The following TRA2B variants were observed in gnomAD, a reference collection of about 807,000 sequenced individuals.
TRA2B encodes the protein transformer 2 beta homolog, also known as transformer-2 protein homolog beta.
Under a neutral mutation model 41.7 loss-of-function variants are expected in TRA2B, and 14 were observed. The observed-to-expected ratio is 0.34, with a 90% CI of 0.22 to 0.53. The LOEUF is 0.53. TRA2B is among the 20% of genes least tolerant of loss of function. The pLI, the probability that TRA2B is intolerant of heterozygous loss-of-function variation, is 0.95. For synonymous variants in TRA2B, 130 were observed against 128.8 expected (o/e 1.01, Z -0.06); for missense variants, 167 against 396.8 (o/e 0.42, Z 4.92).
At chr3:185,935,699 A>T (rs1191490294) in intron 1 of TRA2B, 1 of 985,346 alleles carries the variant, frequency 1.0e-6, no homozygotes, top group Non-Finnish European at 1.2e-6. Context: ...CATGTCTAAG[A>T]TCAAGCTGTT....
At position 185,921,820 on chromosome 3, in the gene TRA2B, T is replaced by C. The variant is rs1743749868; in HGVS notation, c.638+191A>G. On this transcript the variant is annotated intron_variant, in intron 5 of 8. Coordinates refer to ENST00000453386, the MANE Select transcript of TRA2B (RefSeq NM_004593.3). ...CAAACAAAAAATTTAAAAATGGACTTGACTAAGATTTAGTTTTACCTGTAA... is the reference window on the plus strand; with the variant it reads ...CAAACAAAAAATTTAAAAATGGACTCGACTAAGATTTAGTTTTACCTGTAA... Among the ~76,000 whole-genome samples the C allele has an allele frequency of 5.9e-5, 9 of 152,094 alleles. No homozygotes were observed. The South Asian group carries it at 1.9e-3, about 31-fold the overall frequency.
chr3:185,933,013 T>C (rs1744209483), intron 1 of TRA2B, among the ~76,000 whole-genome samples: 2 of 152,176 alleles, frequency 1.3e-5, no homozygotes, highest in Admixed American at 6.5e-5. Flanking sequence ...ATCCGAAAAT[T>C]TTTAAATATG....
intron 5 of TRA2B, 98 bp from the exon 6 acceptor site, chr3:185,921,285 T>A: frequency 1.0e-6 from 1 of 1,004,858 alleles, no homozygotes; most frequent in South Asian, 1.3e-5. Context: ...AACTGGAAAA[T>A]GAAAATTATT....
intron 6 of TRA2B, among the ~76,000 whole-genome samples, chr3:185,920,565 ATTTT>A (rs575385217): frequency 2.7e-5 from 4 of 148,000 alleles, no homozygotes; most frequent in East Asian, 2.0e-4. Context: ...TCATTTATTT[ATTTT>A]TTTTTTTGAG....
chr3:185,924,027 A>G (rs192269173), intron 3 of TRA2B, 43 bp from the exon 4 acceptor site: 3 of 1,557,730 alleles, frequency 1.9e-6, no homozygotes, highest in Non-Finnish European at 2.6e-6. Flanking sequence ...AAGTTGTCAT[A>G]AAATCAAAGT....
chr3:185,924,090 C>A, intron 3 of TRA2B, 106 bp from the exon 4 acceptor site: 1 of 974,158 alleles, frequency 1.0e-6, no homozygotes, highest in Non-Finnish European at 1.5e-6. Context: ...AAGAAAAGTA[C>A]ATAATGATTA....
At position 185,916,552 on chromosome 3, in the gene TRA2B, G is replaced by A. The variant is rs1342666439; in HGVS notation, c.*1163C>T. 6.6e-6 allele frequency: 1 copy of A among 152,190 alleles called. No homozygotes were observed. The highest frequency in any genetic ancestry group is 6.5e-5 in the Admixed American group (1 of 15,268). 9.4% of individuals were successfully genotyped at this position (152,190 alleles called of 1,614,324 possible). On this transcript the variant is annotated 3_prime_UTR_variant, in exon 9 of 9. Coordinates refer to ENST00000453386, the MANE Select transcript of TRA2B (RefSeq NM_004593.3). ...TTTACTGTAACTCCATCCCCAAATG[G>A]AGATCACTCTAATACCTAGTTATGC... is the stretch of plus-strand genomic sequence containing the variant.
Position 185,925,497 on chromosome 3 carries a change from G to A in TRA2B, c.300C>T (p.Pro100=), listed in dbSNP as rs1420339502. ...CAACATGACGCCTGCGAGTAGACAT[G>A]GGAGAATGGCTGTGGCTGTGCCGTC... is the stretch of plus-strand genomic sequence containing the variant. ...YRRRHSHSHS[P]MSTRRRHVGN... The change falls in exon 3 of 9, where the codon CCC becomes CCT. Residue 100 remains proline, a synonymous_variant. Transcript: ENST00000453386. The A allele has an allele frequency of 6.2e-7, 1 of 1,614,092 alleles. No homozygotes were observed. The highest frequency in any genetic ancestry group is 8.5e-7 in the Non-Finnish European group (1 of 1,179,984).
intron 1 of TRA2B, chr3:185,935,092 A>C: frequency 1.0e-6 from 1 of 985,456 alleles, no homozygotes. Context: ...TGGGCTCTAA[A>C]GATTACCCTG....
intron 1 of TRA2B, among the ~76,000 whole-genome samples, chr3:185,933,721 A>C (rs1302325329): frequency 1.3e-5 from 2 of 152,144 alleles, no homozygotes; most frequent in Non-Finnish European, 2.9e-5. Context: ...AAAACTGGAG[A>C]ATAGTGTCTG....
intron 3 of TRA2B, chr3:185,924,957 T>TAA (rs1395954428): frequency 6.6e-6 from 1 of 152,204 alleles, no homozygotes; most frequent in African/African-American, 2.4e-5. Flanking sequence ...CTAAAAACAT[T>TAA]AAGTCCCCCC....
chr3:185,926,081 C>T (rs1284382320), intron 2 of TRA2B, among the ~76,000 whole-genome samples: 5 of 151,732 alleles, frequency 3.3e-5, no homozygotes, highest in Non-Finnish European at 7.4e-5. Flanking sequence ...GTCATCGAAA[C>T]GAGGACACAC....
intron 7 of TRA2B, 118 bp downstream of exon 7, chr3:185,919,319 G>C (rs1339295525): frequency 1.4e-6 from 1 of 708,290 alleles, no homozygotes; most frequent in Non-Finnish European, 2.3e-6. Context: ...ATTTTCATGA[G>C]CTTCAAACAG....
At chr3:185,919,562 AT>A in intron 6 of TRA2B, 66 bp from the exon 7 acceptor site, 1 of 1,363,348 alleles carries the variant, frequency 7.3e-7, no homozygotes, top group South Asian at 1.3e-5. Flanking sequence ...TATGTCATTC[AT>A]TTAGTAAAAT....
chr3:185,937,805 C>T lies in TRA2B; in HGVS notation c.36+20G>A. The T allele has an allele frequency of 6.2e-7, 1 of 1,614,156 alleles. No homozygotes were observed. The highest frequency in any genetic ancestry group is 8.5e-7 in the Non-Finnish European group (1 of 1,180,032). On this transcript the variant is annotated intron_variant, in intron 1 of 8. Coordinates refer to ENST00000453386, the MANE Select transcript of TRA2B (RefSeq NM_004593.3). ...AGGAGCTAGGACCACACAGCCACCC[C>T]CTACCGCAGCTCTACGTACCCGCTC...
chr3:185,935,215 T>A, intron 1 of TRA2B: 1 of 985,396 alleles, frequency 1.0e-6, no homozygotes, highest in Non-Finnish European at 1.2e-6. Flanking sequence ...CAAGCAATTT[T>A]GGGGGAAGAG....
Position 185,915,156 on chromosome 3 carries a change from G to A in TRA2B, c.*2559C>T, listed in dbSNP as rs1035328336. Among the ~76,000 whole-genome samples, 5 of 152,200 alleles carry A rather than the reference G, an allele frequency of 3.3e-5. No homozygotes were observed. The highest frequency in any genetic ancestry group is 2.1e-4 in the South Asian group (1 of 4,814). The stretch of plus-strand genomic sequence containing the variant: ...TCAGGCAATCCATGGCCAGGAGATC[G>A]GAAACCCCTGCTCCCAGGTCTACAA... On this transcript the variant is annotated 3_prime_UTR_variant, in exon 9 of 9. Coordinates refer to ENST00000453386, the MANE Select transcript of TRA2B (RefSeq NM_004593.3).
At chr3:185,935,350 G>A (rs28665703) in intron 1 of TRA2B, 3 of 984,682 alleles carry the variant, frequency 3.0e-6, no homozygotes, top group Non-Finnish European at 3.6e-6. Flanking sequence ...TGAGAGGGGG[G>A]AAAAAATAAA....
intron 3 of TRA2B, 23 bp from the exon 4 acceptor site, chr3:185,924,007 A>C (rs1421287967): frequency 1.3e-6 from 2 of 1,578,274 alleles, no homozygotes; most frequent in African/African-American, 2.7e-5. Flanking sequence ...AAAAGTTTTA[A>C]ACTTTGGAAA....
Sources: allele counts gnomAD v4.1 joint callset (sites outside exome capture counted in the v4.1 genomes callset), GRCh38; gene constraint gnomAD v4.1.1; transcripts MANE v1.5; gene names NCBI Gene and HGNC (gene_info 2026-07-23, HGNC 2026-07-21).